PDE4D: variants seen among roughly 807,000 people sequenced by gnomAD.
The protein encoded by PDE4D is phosphodiesterase 4D, also known as 3',5'-cyclic-AMP phosphodiesterase 4D.
A neutral mutation model predicts 87.4 loss-of-function variants in PDE4D; 24 were observed. That is an observed-to-expected ratio of 0.27 (90% CI 0.20 to 0.39). PDE4D has a LOEUF of 0.39. Ranked by LOEUF, PDE4D falls within the 10% of genes least tolerant of loss-of-function variation. The pLI, the probability that PDE4D is intolerant of heterozygous loss-of-function variation, is 1.00. For missense variants in PDE4D, 714 were observed against 1,041.0 expected, an observed-to-expected ratio of 0.69 and a Z score of 4.32; for synonymous variants, 384 against 383.2, an observed-to-expected ratio of 1.00 and a Z score of -0.02.
At chr5:59,393,382 G>A (rs531746097) in intron 1 of PDE4D, among the ~76,000 whole-genome samples, 5 of 152,294 alleles carry the variant, frequency 3.3e-5, no homozygotes, top group African/African-American at 1.2e-4. Flanking sequence ...GGGGATAAAA[G>A]AGATGATTCC....
intron 5 of PDE4D, among the ~76,000 whole-genome samples, chr5:59,046,346 AAG>A (rs1760662905): frequency 1.3e-5 from 2 of 151,592 alleles, no homozygotes; most frequent in Admixed American, 1.3e-4. Flanking sequence ...GTGTGTGTGT[AAG>A]AGAAAGGAGT....
chr5:60,193,797 A>G (rs1035187966), intron 1 of PDE4D, among the ~76,000 whole-genome samples: 1 of 151,534 alleles, frequency 6.6e-6, no homozygotes, highest in Non-Finnish European at 1.5e-5. Context: ...GTTTAGTTTC[A>G]ACCAGCTTTG....
intron 1 of PDE4D, among the ~76,000 whole-genome samples, chr5:59,503,210 G>A (rs1221248134): frequency 1.3e-5 from 2 of 152,128 alleles, no homozygotes; most frequent in African/African-American, 2.4e-5. Flanking sequence ...ATGGCAAAGT[G>A]ATAAAAGTTC....
In PDE4D at chr5:59,592,081, C is replaced by A. The variant is rs112248276; in HGVS notation, c.455+301087G>T. ...AGACCTGAGGTGGCTGTGCTTCCAA[C>A]CCCACCTCCCAGCAAGAAAAGAACA... On this transcript the variant is annotated intron_variant, in intron 1 of 14. Coordinates refer to ENST00000340635, the MANE Select transcript of PDE4D (RefSeq NM_001104631.2). The A allele has an allele frequency of 4.0e-4, 390 of 965,582 alleles. 1 individual carries two copies. In the African/African-American group the frequency reaches 6.4e-3, roughly 16 times the overall value. 59.8% of individuals were successfully genotyped at this position (965,582 alleles called of 1,614,324 possible). A position where few individuals can be genotyped will look rare whatever the true frequency, so the allele number is the denominator to read the frequency against.
intron 1 of PDE4D, among the ~76,000 whole-genome samples, chr5:59,859,921 G>A (rs1226734260): frequency 6.6e-6 from 1 of 152,182 alleles, no homozygotes; most frequent in East Asian, 1.9e-4. Context: ...TGCTAAGGAT[G>A]GGTGTGCAGG....
rs1315955922 is a variant in PDE4D, at chr5:60,316,657, G to A, written c.-89-130970C>T. On this transcript the variant is annotated intron_variant, in intron 1 of 16. Transcript: ENST00000502484. ...GATAGCTCTTATTATTTTGAGATAC[G>A]TCCCATCAATACCTAATTTATTGAG... Among the ~76,000 whole-genome samples, 13 of 152,160 alleles carry A rather than the reference G, an allele frequency of 8.5e-5. No homozygotes were observed. The East Asian group carries it at 1.4e-3, about 16-fold the overall frequency.
chr5:60,063,604 A>G (rs1227966472), intron 2 of PDE4D, among the ~76,000 whole-genome samples: 1 of 152,152 alleles, frequency 6.6e-6, no homozygotes, highest in Admixed American at 6.6e-5. Context: ...AAACAATGCT[A>G]AAATGGTTGT....
At chr5:59,824,647 T>G (rs1770106240) in intron 1 of PDE4D, among the ~76,000 whole-genome samples, 1 of 152,222 alleles carries the variant, frequency 6.6e-6, no homozygotes, top group East Asian at 1.9e-4. Flanking sequence ...CGACAAGTAC[T>G]TATTTAATAA....
intron 1 of PDE4D, among the ~76,000 whole-genome samples, chr5:59,401,478 A>ATCTATCTATCTGTCTGTCTGTCTGTCTG (rs1554161243): frequency 1.3e-4 from 19 of 150,988 alleles, no homozygotes; most frequent in South Asian, 2.1e-4. Context: ...CTATCTATCT[A>ATCTATCTATCTGTCTGTCTGTCTGTCTG]TCTATCTATT....
At chr5:59,666,575 A>T (rs545225954) in intron 1 of PDE4D, among the ~76,000 whole-genome samples, 6 of 152,316 alleles carry the variant, frequency 3.9e-5, no homozygotes, top group African/African-American at 1.4e-4. Context: ...TTCCAAGGAG[A>T]AGCCATACAG....
intron 1 of PDE4D, among the ~76,000 whole-genome samples, chr5:59,863,274 T>C (rs1746542490): frequency 6.6e-6 from 1 of 152,134 alleles, no homozygotes; most frequent in Non-Finnish European, 1.5e-5. Flanking sequence ...TTTGGAAAAA[T>C]AATCCCAGAG....
At chr5:60,102,925 AT>A (rs1018556510) in intron 2 of PDE4D, among the ~76,000 whole-genome samples, 7 of 151,640 alleles carry the variant, frequency 4.6e-5, no homozygotes, top group East Asian at 1.9e-4. Flanking sequence ...CACTAAATCC[AT>A]TTTTAGTTTC....
In PDE4D at chr5:60,274,509, T is replaced by A. The variant is rs201022445; in HGVS notation, c.-89-88822A>T. Among the ~76,000 whole-genome samples the A allele has an allele frequency of 9.2e-5, 14 of 152,204 alleles. No individual in the cohort carries two copies. In the South Asian group the frequency reaches 2.7e-3, roughly 29 times the overall value. ...CCAAGTAGCTGAGATTACCGGCATG[T>A]GCCACCACGCCCAGCTAATTTTTGT... On this transcript the variant is annotated intron_variant, in intron 1 of 16. Coordinates refer to the PDE4D transcript ENST00000502484.
intron 1 of PDE4D, among the ~76,000 whole-genome samples, chr5:60,419,218 A>C (rs1213593764): frequency 1.3e-5 from 2 of 152,194 alleles, no homozygotes; most frequent in East Asian, 3.8e-4. Context: ...TATAATAACC[A>C]AAAAGTATGA....
At chr5:60,145,210 A>G (rs1411908308) in intron 2 of PDE4D, among the ~76,000 whole-genome samples, 2 of 152,192 alleles carry the variant, frequency 1.3e-5, no homozygotes, top group Non-Finnish European at 2.9e-5. Flanking sequence ...TGAAATCACT[A>G]TAATTCTTGG....
chr5:59,204,031 T>C (rs925574077), intron 2 of PDE4D, among the ~76,000 whole-genome samples: 1 of 152,186 alleles, frequency 6.6e-6, no homozygotes, highest in African/African-American at 2.4e-5. Flanking sequence ...CAAAAAATGA[T>C]AAATTGTTAG....
intron 1 of PDE4D, among the ~76,000 whole-genome samples, chr5:60,349,851 T>C (rs1239229571): frequency 6.6e-6 from 1 of 152,136 alleles, no homozygotes; most frequent in African/African-American, 2.4e-5. Flanking sequence ...TACATGCATG[T>C]ATCAGTACAT....
chr5:59,615,328 G>A (rs1455532789), intron 1 of PDE4D, among the ~76,000 whole-genome samples: 8 of 152,124 alleles, frequency 5.3e-5, no homozygotes, highest in South Asian at 2.1e-4. Context: ...GGTACACTAT[G>A]ACTTTCTGGT....
chr5:59,843,007 AT>A (rs1014992637), intron 1 of PDE4D, among the ~76,000 whole-genome samples: 4 of 151,978 alleles, frequency 2.6e-5, no homozygotes, highest in Non-Finnish European at 4.4e-5. Flanking sequence ...TCCCCAAAAT[AT>A]TTTTTAAATG....
Sources: gnomAD v4.1 joint callset for allele counts (sites outside exome capture counted in the v4.1 genomes callset) on GRCh38, gnomAD v4.1.1 for gene constraint, MANE v1.5 for transcripts, NCBI Gene and HGNC (gene_info 2026-07-23, HGNC 2026-07-21) for gene names.